FBXL2: variants seen among roughly 807,000 people sequenced by gnomAD.
The protein encoded by FBXL2 is F-box/LRR-repeat protein 2.
Under a neutral mutation model 69.2 loss-of-function variants are expected in FBXL2, and 38 were observed. That is an observed-to-expected ratio of 0.55 (90% CI 0.42 to 0.72). FBXL2 has a LOEUF of 0.72. Ranked by LOEUF, FBXL2 falls within the 30% of genes least tolerant of loss-of-function variation. FBXL2 has a pLI of 0.00. For synonymous variants in FBXL2, 192 were observed against 201.3 expected, an observed-to-expected ratio of 0.95 and a Z score of 0.39; for missense variants, 354 against 520.3, an observed-to-expected ratio of 0.68 and a Z score of 3.11.
In FBXL2 at chr3:33,373,321, G is replaced by T; in HGVS notation, c.421G>T (p.Val141Leu). ...GAAACATCTGGATCTGACCTCCTGT[G>T]TGTCTATTACAAACAGCTCCTTGAA... is the stretch of plus-strand genomic sequence containing the variant. ...KLKHLDLTSC[V>L]SITNSSLKGI... The change falls in exon 7 of 15, where the codon GTG becomes TTG. Residue 141 changes from valine to leucine, a missense_variant. Transcript: ENST00000484457. 6.2e-7 allele frequency: 1 copy of T among 1,613,840 alleles called. No individual in the cohort carries two copies. Among genetic ancestry groups the T allele is most frequent in the Non-Finnish European group, 8.5e-7 (1 of 1,179,730 alleles).
At position 33,387,659 on chromosome 3, in the gene FBXL2, T is replaced by C. The variant is rs2043541707; in HGVS notation, c.*2051T>C. ...CAAAACAAACCACCAGAGCCTTCTA[T>C]ACATGATTGATTTCTTTTGAGCCAG... On this transcript the variant is annotated 3_prime_UTR_variant, in exon 15 of 15. Coordinates refer to ENST00000484457, the MANE Select transcript of FBXL2 (RefSeq NM_012157.5). 1 of 152,218 alleles carries C rather than the reference T, an allele frequency of 6.6e-6. No homozygotes were observed. The highest frequency in any genetic ancestry group is 1.5e-5 in the Non-Finnish European group (1 of 68,144). 9.4% of individuals were successfully genotyped at this position (152,218 alleles called of 1,614,324 possible). A position where few individuals can be genotyped will look rare whatever the true frequency, so the allele number is the denominator to read the frequency against.
intron 2 of FBXL2, among the ~76,000 whole-genome samples, chr3:33,331,910 A>G (rs1360204829): frequency 6.6e-6 from 1 of 152,154 alleles, no homozygotes; most frequent in African/African-American, 2.4e-5. Context: ...AGGTTAAGAG[A>G]CCCAGATGAT....
the FBXL2 span, among the ~76,000 whole-genome samples, chr3:33,410,745 T>A: frequency 1.6e-4 from 24 of 152,252 alleles, no homozygotes; most frequent in Non-Finnish European, 1.6e-4. Context: ...ATGATATTTA[T>A]GGATGAAATG....
intron 4 of FBXL2, among the ~76,000 whole-genome samples, chr3:33,362,146 C>T (rs2041668836): frequency 6.6e-6 from 1 of 152,164 alleles, no homozygotes; most frequent in Non-Finnish European, 1.5e-5. Context: ...CAGAGTAAAG[C>T]ATCTAGGTGA....
chr3:33,412,865 G>T, the FBXL2 span: 3 of 1,370,288 alleles, frequency 2.2e-6, no homozygotes, highest in South Asian at 1.2e-5. Context: ...CTTTTAAACT[G>T]CTCCAGCTAA....
At chr3:33,331,040 A>G (rs1048885959) in intron 2 of FBXL2, among the ~76,000 whole-genome samples, 1 of 151,558 alleles carries the variant, frequency 6.6e-6, no homozygotes, top group Admixed American at 6.6e-5. Context: ...TTATGTATCA[A>G]TAAAAGGTTT....
intron 12 of FBXL2, among the ~76,000 whole-genome samples, chr3:33,395,231 C>T (rs1280795266): frequency 6.6e-6 from 1 of 152,096 alleles, no homozygotes; most frequent in East Asian, 1.9e-4. Flanking sequence ...GTGATGCTAT[C>T]CTTCCAATTT....
intron 2 of FBXL2, among the ~76,000 whole-genome samples, chr3:33,345,396 C>G (rs1345018589): frequency 6.6e-6 from 1 of 152,164 alleles, no homozygotes; most frequent in Admixed American, 6.5e-5. Flanking sequence ...ACACATCATT[C>G]AACCTACTAC....
downstream of FBXL2, among the ~76,000 whole-genome samples, chr3:33,405,804 C>A (rs1023349597): frequency 3.3e-5 from 5 of 151,998 alleles, no homozygotes; most frequent in African/African-American, 1.2e-4. Context: ...GTGTCAAGAC[C>A]ACTGGTGTAA....
At position 33,377,258 on chromosome 3, in the gene FBXL2, C is replaced by G. The variant is rs1325727701; in HGVS notation, c.789-15C>G. 6.2e-7 allele frequency: 1 copy of G among 1,613,346 alleles called. No individual in the cohort carries two copies. Among genetic ancestry groups the G allele is most frequent in the Non-Finnish European group, 8.5e-7 (1 of 1,179,562 alleles). ...GTTGGTACCGTTTTCTCCCCTGTAC[C>G]CACTTTCTCCTCAGAATTTTGGAGG... On this transcript the variant is annotated splice_polypyrimidine_tract_variant and intron_variant, in intron 10 of 14. Coordinates refer to ENST00000484457, the MANE Select transcript of FBXL2 (RefSeq NM_012157.5).
chr3:33,381,331 C>T (rs963923986), intron 13 of FBXL2, among the ~76,000 whole-genome samples: 3 of 152,136 alleles, frequency 2.0e-5, no homozygotes, highest in African/African-American at 4.8e-5. Flanking sequence ...CACGTATATA[C>T]GTGTGAATCC....
intron 2 of FBXL2, among the ~76,000 whole-genome samples, chr3:33,313,502 G>A (rs2037398808): frequency 6.6e-6 from 1 of 152,156 alleles, no homozygotes; most frequent in African/African-American, 2.4e-5. Context: ...CTGGAATGTA[G>A]TGGTGTGATC....
intron 12 of FBXL2, among the ~76,000 whole-genome samples, chr3:33,395,764 A>AG (rs1452661235): frequency 6.6e-6 from 1 of 151,270 alleles, no homozygotes; most frequent in Non-Finnish European, 1.5e-5. Context: ...AAAAAAAAAA[A>AG]AAAAAAAAAG....
chr3:33,289,909 T>C, intron 1 of FBXL2: 1 of 392,090 alleles, frequency 2.6e-6, no homozygotes, highest in Non-Finnish European at 3.5e-6. Flanking sequence ...GCTGGGGGCA[T>C]GGCAAGACAG....
rs567171142 is a variant in FBXL2 at position 33,400,996 on chromosome 3, T to C, written n.1215-2238T>C. 1.4e-5 allele frequency: 22 copies of C among 1,593,688 alleles called. No homozygotes were observed. The Admixed American group carries it at 2.9e-4, about 21-fold the overall frequency. ...GGTCTGTGAAGCTCCATCTCCCTGA[T>C]GATTTGGGGAAGAAGAATTGCTGGG... On this transcript the variant is annotated intron_variant and non_coding_transcript_variant, in intron 12 of 12. Transcript: ENST00000463736.
At chr3:33,332,201 A>G (rs546509244) in intron 2 of FBXL2, among the ~76,000 whole-genome samples, 3 of 152,354 alleles carry the variant, frequency 2.0e-5, no homozygotes, top group Non-Finnish European at 4.4e-5. Context: ...CGGCAATTAA[A>G]CTGACAACAA....
At chr3:33,409,420 T>C in the FBXL2 span, 10 of 1,613,834 alleles carry the variant, frequency 6.2e-6, no homozygotes, top group African/African-American at 1.3e-4. Context: ...TGAGCCTTAA[T>C]TACAGAAAAC....
chr3:33,371,530 T>A (rs915241024), intron 5 of FBXL2, among the ~76,000 whole-genome samples: 6 of 152,124 alleles, frequency 3.9e-5, no homozygotes, highest in Non-Finnish European at 7.4e-5. Flanking sequence ...CTACATAACA[T>A]GTTTAATTGT....
chr3:33,413,404 A>G, the FBXL2 span, among the ~76,000 whole-genome samples: 2 of 151,812 alleles, frequency 1.3e-5, no homozygotes, highest in African/African-American at 4.8e-5. Context: ...AAAATTAGCC[A>G]GGCATGGTGG....
Sources: allele counts gnomAD v4.1 joint callset (sites outside exome capture counted in the v4.1 genomes callset), GRCh38; gene constraint gnomAD v4.1.1; transcripts MANE v1.5; gene names NCBI Gene and HGNC (gene_info 2026-07-23, HGNC 2026-07-21).